The following UBXN1 variants were observed in gnomAD, a reference collection of about 807,000 sequenced individuals.
UBXN1 encodes UBX domain protein 1.
UBXN1 carries 21 observed loss-of-function variants against 42.0 expected under a neutral mutation model. That is an observed-to-expected ratio of 0.50 (90% confidence interval 0.35 to 0.72). UBXN1 has a LOEUF of 0.72. Among genes scored for constraint, UBXN1 ranks in the 30% least tolerant of loss-of-function variants. UBXN1 has a pLI of 0.00. For missense variants in UBXN1, 374 were observed against 382.2 expected (o/e 0.98, Z 0.18); for synonymous variants, 172 against 142.6 (o/e 1.21, Z -1.47).
rs771531236 is a variant in UBXN1, at chr11:62,676,562, TCA to T, written c.*26_*27del. On this transcript the variant is annotated 3_prime_UTR_variant, in exon 9 of 9. Coordinates refer to ENST00000301935, the MANE Select transcript of UBXN1 (RefSeq NM_001286077.2). ...CAGTGCTTTATCAAAGATGAAGGGGTCACAGAGGGACAATGGGACAAAGGCCC... is the reference window on the plus strand; with the variant it reads ...CAGTGCTTTATCAAAGATGAAGGGGTCAGAGGGACAATGGGACAAAGGCCC... The T allele has an allele frequency of 1.9e-6, 3 of 1,569,604 alleles. No individual in the cohort carries two copies. The South Asian group carries it at 3.4e-5, about 18-fold the overall frequency.
Position 62,676,885 on chromosome 11 carries a change from C to T in UBXN1, c.772G>A (p.Val258Met). 1 of 1,614,082 alleles carries T rather than the reference C, an allele frequency of 6.2e-7. No individual in the cohort carries two copies. Residue 258 changes from valine to methionine, a missense_variant, in exon 8 of 9, where the codon GTG (valine) becomes ATG (methionine). By Grantham distance (21) the Val-to-Met change is conservative (BLOSUM62 1). Transcript: ENST00000301935. ...GEELGGGQDP[V>M]QLLSGFPRRA... Reference sequence around the variant, plus strand: ...CTGGGGAAGCCACTGAGCAATTGCACAGGGTCCTGGCCCCCACCTAGTTCC... The same window carrying T: ...CTGGGGAAGCCACTGAGCAATTGCATAGGGTCCTGGCCCCCACCTAGTTCC...
Position 62,677,424 on chromosome 11 carries a change from G to A in UBXN1, c.651+94C>T, listed in dbSNP as rs191200342. ...CATTTACAAAGAAGGGAGAGATTTGGCAAAGGGCACGTTAACTGAAAAAAG... is the reference window on the plus strand; with the variant it reads ...CATTTACAAAGAAGGGAGAGATTTGACAAAGGGCACGTTAACTGAAAAAAG... On this transcript the variant is annotated intron_variant, in intron 7 of 8. Coordinates refer to ENST00000301935, the MANE Select transcript of UBXN1 (RefSeq NM_001286077.2). The A allele has an allele frequency of 3.3e-5, 41 of 1,228,926 alleles. No individual in the cohort carries two copies. The Admixed American group carries it at 3.4e-4, about 10-fold the overall frequency. 76.1% of individuals were successfully genotyped at this position (1,228,926 alleles called of 1,614,324 possible).
Position 62,676,973 on chromosome 11 carries a change from C to T in UBXN1, c.684G>A (p.Gln228=). The change falls in exon 8 of 9, where the codon CAG becomes CAA. Residue 228 remains glutamine (Q), a synonymous_variant. Coordinates refer to ENST00000301935, the MANE Select transcript of UBXN1 (RefSeq NM_001286077.2). ...VRLPDGTSLT[Q]TFRAREQLAA... ...CCAGCTGTTCCCGGGCCCGGAACGT[C>T]TGGGTCAGTGAGGTCCCATCTGGCA... 6.2e-7 allele frequency: 1 copy of T among 1,611,614 alleles called. No individual in the cohort carries two copies. The highest frequency in any genetic ancestry group is 8.5e-7 in the Non-Finnish European group (1 of 1,180,026).
intron 3 of UBXN1, 42 bp from the exon 4 acceptor site, chr11:62,678,450 C>A (rs766152223): frequency 2.5e-6 from 4 of 1,613,958 alleles, no homozygotes; most frequent in Non-Finnish European, 3.4e-6. Context: ...TCAGATTCTC[C>A]TCGGACCCTC....
In UBXN1 at chr11:62,678,391, C is replaced by G. The variant is rs755076465; in HGVS notation, c.238G>C (p.Gly80Arg). The G allele has an allele frequency of 6.2e-7, 1 of 1,614,126 alleles. No individual in the cohort carries two copies. The highest frequency in any genetic ancestry group is 1.1e-5 in the South Asian group (1 of 91,084). Residue 80 changes from glycine to arginine, a missense_variant, in exon 4 of 9, where the codon GGA becomes CGA. Coordinates refer to ENST00000301935, the MANE Select transcript of UBXN1 (RefSeq NM_001286077.2). ...TCACTCAAAGCGGGTTTGCCTTCTC[C>G]GGCAGCAGAACCAGATCCTACAAAC... Reference protein sequence around the residue: ...GGLEGSGSAAGEGKPALSEEE... With the variant: ...GGLEGSGSAAREGKPALSEEE...
At chr11:62,677,705 T>C in intron 6 of UBXN1, 71 bp from the exon 7 acceptor site, 1 of 1,613,398 alleles carries the variant, frequency 6.2e-7, no homozygotes, top group Non-Finnish European at 8.5e-7. Flanking sequence ...TATAAGCCCA[T>C]GCTTTCCCTC....
chr11:62,678,600 G>T lies in UBXN1; in HGVS notation c.115C>A (p.Leu39Met). 1 of 1,612,406 alleles carries T rather than the reference G, an allele frequency of 6.2e-7. No individual in the cohort carries two copies. The highest frequency in any genetic ancestry group is 8.5e-7 in the Non-Finnish European group (1 of 1,178,848). Residue 39 changes from leucine to methionine, a missense_variant and splice_region_variant, in exon 3 of 9, where the codon CTG (leucine) becomes ATG (methionine). By Grantham distance (15) the Leu-to-Met change is conservative. Coordinates refer to ENST00000301935, the MANE Select transcript of UBXN1 (RefSeq NM_001286077.2). ...TCGGGGTCGTCTTCGTGCTCCATCA[G>T]CCTGGCAGGGAAAGTGGGCGGGGAG... ...NQGIEAAMDW[L>M]MEHEDDPDVD...
Position 62,678,888 on chromosome 11 carries a change from C to G in UBXN1, c.36G>C (p.Glu12Asp), listed in dbSNP as rs1945092862. 1.9e-6 allele frequency: 3 copies of G among 1,601,654 alleles called. No homozygotes were observed. The highest frequency in any genetic ancestry group is 2.7e-5 in the African/African-American group (2 of 74,694). The change falls in exon 1 of 9, where the codon GAG becomes GAC. Residue 12 changes from glutamate to aspartate, a missense_variant. Coordinates refer to ENST00000301935, the MANE Select transcript of UBXN1 (RefSeq NM_001286077.2). ...AELTALESLI[E>D]MGFPRGRAEK... ...ACGCGCGTCCCCTGGGGAAGCCCATCTCGATGAGACTCTCAAGAGCCGTCA... is the reference window on the plus strand; with the variant it reads ...ACGCGCGTCCCCTGGGGAAGCCCATGTCGATGAGACTCTCAAGAGCCGTCA...
chr11:62,678,463 G>T, intron 3 of UBXN1, 32 bp downstream of exon 3: 1 of 1,613,346 alleles, frequency 6.2e-7, no homozygotes, highest in Non-Finnish European at 8.5e-7. Context: ...GGACCCTCCT[G>T]AATAATCACA....
In UBXN1 at chr11:62,676,874, G is replaced by A. The variant is rs1178228831; in HGVS notation, c.783C>T (p.Leu261=). 1 of 1,614,086 alleles carries A rather than the reference G, an allele frequency of 6.2e-7. No homozygotes were observed. Among genetic ancestry groups the A allele is most frequent in the Non-Finnish European group, 8.5e-7 (1 of 1,180,042 alleles). Residue 261 remains leucine (L), a synonymous_variant, in exon 8 of 9, where the codon CTC becomes CTT. Coordinates refer to ENST00000301935, the MANE Select transcript of UBXN1 (RefSeq NM_001286077.2). The part of the protein sequence containing the change: ...LGGGQDPVQL[L]SGFPRRAFSE... Reference sequence around the variant, plus strand: ...AGAAGGCCCGTCTGGGGAAGCCACTGAGCAATTGCACAGGGTCCTGGCCCC... The same window carrying A: ...AGAAGGCCCGTCTGGGGAAGCCACTAAGCAATTGCACAGGGTCCTGGCCCC...
chr11:62,677,084 T>C (rs1026760822), intron 7 of UBXN1, 79 bp from the exon 8 acceptor site: 88 of 1,480,364 alleles, frequency 5.9e-5, no homozygotes, highest in Non-Finnish European at 7.2e-5. Flanking sequence ...GAGCTAAAGC[T>C]GGGCCCCCTT....
Position 62,676,891 on chromosome 11 carries a change from C to T in UBXN1, c.766G>A (p.Asp256Asn). ...AAGCCACTGAGCAATTGCACAGGGT[C>T]CTGGCCCCCACCTAGTTCCTCCCCA... ...HRGEELGGGQ[D>N]PVQLLSGFPR... Residue 256 changes from aspartate (D) to asparagine (N), a missense_variant, in exon 8 of 9, where the codon GAC (aspartate) becomes AAC (asparagine). Coordinates refer to ENST00000301935, the MANE Select transcript of UBXN1 (RefSeq NM_001286077.2). The T allele has an allele frequency of 6.2e-7, 1 of 1,614,046 alleles. No individual in the cohort carries two copies. Among genetic ancestry groups the T allele is most frequent in the Non-Finnish European group, 8.5e-7 (1 of 1,180,038 alleles).
rs1426008329 is a variant in UBXN1 at position 62,677,629 on chromosome 11, A to C, written c.540T>G (p.Gly180=). 1 of 1,612,486 alleles carries C rather than the reference A, an allele frequency of 6.2e-7. No individual in the cohort carries two copies. Among genetic ancestry groups the C allele is most frequent in the Admixed American group, 1.7e-5 (1 of 59,682 alleles). Residue 180 remains glycine (G), a synonymous_variant, in exon 7 of 9, where the codon GGT becomes GGG. Coordinates refer to ENST00000301935, the MANE Select transcript of UBXN1 (RefSeq NM_001286077.2). ...RDKAERAKKY[G]GSVGSQPPPV... ...GGGGTGGCTGAGAGCCCACACTGCC[A>C]CCATACTAAAGGGCAAAGTAAAACA...
chr11:62,678,711 C>T lies in UBXN1; in HGVS notation c.92G>A (p.Gly31Asp), dbSNP rs1262545576. 7 of 1,605,024 alleles carry T rather than the reference C, an allele frequency of 4.4e-6. No homozygotes were observed. The highest frequency in any genetic ancestry group is 1.3e-5 in the African/African-American group (1 of 74,572). Residue 31 changes from glycine to aspartate, a missense_variant, in exon 2 of 9, where the codon GGC (glycine) becomes GAC (aspartate). Gly to Asp is a moderately conservative substitution (Grantham distance 94). Transcript: ENST00000301935. Reference sequence around the variant, plus strand: ...TTACCAGTCCATCGCAGCCTCGATGCCCTGGTTCCCTGTGAGGGCCAGAGC... The same window carrying T: ...TTACCAGTCCATCGCAGCCTCGATGTCCTGGTTCCCTGTGAGGGCCAGAGC... The part of the protein sequence containing the change: ...EKALALTGNQ[G>D]IEAAMDWLME...
chr11:62,678,640 T>G (rs1368715028), intron 2 of UBXN1, 39 bp from the exon 3 acceptor site: 1 of 1,609,206 alleles, frequency 6.2e-7, no homozygotes. Context: ...GCTTTGAGGC[T>G]GCCCCTCCCG....
intron 2 of UBXN1, 25 bp from the exon 3 acceptor site, chr11:62,678,626 G>A (rs372123032): frequency 6.0e-5 from 97 of 1,613,028 alleles, no homozygotes; most frequent in Non-Finnish European, 7.2e-5. Context: ...GGGCGGGGAG[G>A]TTAGCTTTGA....
rs759516787 is a variant in UBXN1 at position 62,678,094 on chromosome 11, C to T, written c.315G>A (p.Lys105=). The change falls in exon 5 of 9, where the codon AAG becomes AAA. Residue 105 remains lysine (K), a synonymous_variant. Transcript: ENST00000301935. The part of the protein sequence containing the change: ...TKRMLELVAQ[K]QREREEREER... Reference sequence around the variant, plus strand: ...CCTCTCTTTCTTCACGCTCCCGCTGCTTCTGGGCCACCAGCTCCAACATCC... The same window carrying T: ...CCTCTCTTTCTTCACGCTCCCGCTGTTTCTGGGCCACCAGCTCCAACATCC... The T allele has an allele frequency of 4.3e-6, 7 of 1,614,150 alleles. No individual in the cohort carries two copies. The highest frequency in any genetic ancestry group is 2.2e-5 in the East Asian group (1 of 44,876).
intron 4 of UBXN1, 28 bp from the exon 5 acceptor site, chr11:62,678,146 G>A: frequency 6.2e-7 from 1 of 1,612,338 alleles, no homozygotes; most frequent in Non-Finnish European, 8.5e-7. Context: ...AACAGTTCAA[G>A]AGAAATGGAC....
chr11:62,677,118 C>G (rs1590858969), intron 7 of UBXN1, 113 bp from the exon 8 acceptor site: 8 of 1,250,858 alleles, frequency 6.4e-6, no homozygotes, highest in Non-Finnish European at 8.7e-6. Flanking sequence ...ACCAGCACAA[C>G]TACTATTTAA....
Sources: allele counts gnomAD v4.1 joint callset, GRCh38; gene constraint gnomAD v4.1.1; transcripts MANE v1.5; gene names NCBI Gene and HGNC (gene_info 2026-07-23, HGNC 2026-07-21).